The following PRKACB variants were observed in gnomAD, a reference collection of about 807,000 sequenced individuals.
PRKACB encodes protein kinase cAMP-activated catalytic subunit beta.
In PRKACB, 16 loss-of-function variants were observed where a neutral mutation model predicts 51.4. The ratio of observed to expected loss-of-function variants is 0.31; its 90% CI spans 0.21 to 0.47. The LOEUF is 0.47. Ranked by LOEUF, PRKACB falls within the 20% of genes least tolerant of loss-of-function variation. The pLI is 1.00. For missense variants in PRKACB, 309 were observed against 464.5 expected (o/e 0.67, Z 3.08); for synonymous variants, 147 against 154.4 (o/e 0.95, Z 0.35).
intron 1 of PRKACB, among the ~76,000 whole-genome samples, chr1:84,095,117 G>C (rs1343815981): frequency 6.6e-6 from 1 of 151,874 alleles, no homozygotes; most frequent in Non-Finnish European, 1.5e-5. Context: ...ACAGTGACGA[G>C]ATTGCCTAAT....
rs145175458 is a variant in PRKACB at position 84,148,723 on chromosome 1, C to T, written c.187+4175C>T. On this transcript the variant is annotated intron_variant, in intron 1 of 9. Transcript: ENST00000370685. ...TACCTGTGTATTTTTATCATGATTTCCAATAAAAATTTAAGTAACAAGCAG... is the reference window on the plus strand; with the variant it reads ...TACCTGTGTATTTTTATCATGATTTTCAATAAAAATTTAAGTAACAAGCAG... 2.8e-3 allele frequency among the ~76,000 whole-genome samples: 425 copies of T among 152,028 alleles called. 4 individuals carry two copies. The highest frequency in any genetic ancestry group is 0.017 in the South Asian group (83 of 4,808).
intron 5 of PRKACB, among the ~76,000 whole-genome samples, chr1:84,189,279 G>T (rs1236322167): frequency 6.6e-6 from 1 of 151,830 alleles, no homozygotes; most frequent in East Asian, 1.9e-4. Context: ...GGACTATCTT[G>T]AGCAGGGAAA....
chr1:84,103,430 G>A (rs1649502688), intron 1 of PRKACB, among the ~76,000 whole-genome samples: 1 of 151,912 alleles, frequency 6.6e-6, no homozygotes, highest in Admixed American at 6.6e-5. Context: ...ATGGGGTGTG[G>A]GGGTGGGGGG....
chr1:84,152,577 C>G (rs116089002), intron 1 of PRKACB, among the ~76,000 whole-genome samples: 1 of 152,306 alleles, frequency 6.6e-6, no homozygotes, highest in African/African-American at 2.4e-5. Flanking sequence ...TCCATTAGCA[C>G]TTGCTGCTTC....
intron 1 of PRKACB, among the ~76,000 whole-genome samples, chr1:84,086,930 CTG>C (rs1357598621): frequency 6.6e-6 from 1 of 152,190 alleles, no homozygotes; most frequent in Non-Finnish European, 1.5e-5. Context: ...GGGGGCTTAA[CTG>C]TGAACAAATC....
At chr1:84,231,549 C>A (rs1675661459) in intron 9 of PRKACB, among the ~76,000 whole-genome samples, 1 of 152,124 alleles carries the variant, frequency 6.6e-6, no homozygotes, top group Non-Finnish European at 1.5e-5. Flanking sequence ...TCCATCTGGT[C>A]CTGGACTCTT....
exon 1 of PRKACB, chr1:84,078,314 A>G: frequency 6.2e-7 from 1 of 1,606,860 alleles, no homozygotes; most frequent in African/African-American, 1.3e-5. Flanking sequence ...CCTTCTTGCC[A>G]TCGCCCCAGA....
rs960637734 is a variant in PRKACB, at chr1:84,086,311, G to C, written c.46+7940G>C. On this transcript the variant is annotated intron_variant, in intron 1 of 8. Coordinates refer to the PRKACB transcript ENST00000370688. ...TGGCCCTTCCTGCTGCCTCCCTCCT[G>C]TCTGGCCCCTGGGGCCCAGGCTCCA... 3.3e-6 allele frequency: 3 copies of C among 917,058 alleles called. No homozygotes were observed. In the African/African-American group the frequency reaches 4.9e-5, roughly 15 times the overall value. 56.8% of individuals were successfully genotyped at this position (917,058 alleles called of 1,614,324 possible).
chr1:84,109,446 T>TC (rs1571613363), intron 1 of PRKACB, among the ~76,000 whole-genome samples: 1 of 151,980 alleles, frequency 6.6e-6, no homozygotes, highest in East Asian at 1.9e-4. Flanking sequence ...TTTTTATGAC[T>TC]ATATAGTGTT....
rs565380126 is a variant in PRKACB, at chr1:84,164,381, C to T, written c.188-14796C>T. On this transcript the variant is annotated intron_variant, in intron 1 of 9. Coordinates refer to ENST00000370685, the MANE Select transcript of PRKACB (RefSeq NM_182948.4). ...TAATTGAAAGACGTTTAGGTGCAAT[C>T]ATTCTGCTGTTTGCTCCTTGCCAGG... 3.8e-6 allele frequency: 6 copies of T among 1,569,082 alleles called. No individual in the cohort carries two copies. The East Asian group carries it at 1.4e-4, about 36-fold the overall frequency.
intron 9 of PRKACB, among the ~76,000 whole-genome samples, chr1:84,219,949 T>C (rs987624811): frequency 6.6e-6 from 1 of 152,150 alleles, no homozygotes; most frequent in Non-Finnish European, 1.5e-5. Flanking sequence ...TGTGGTTCCA[T>C]ACAAATTTTA....
chr1:84,191,997 A>T (rs1666946128), intron 5 of PRKACB, among the ~76,000 whole-genome samples: 1 of 152,128 alleles, frequency 6.6e-6, no homozygotes, highest in Non-Finnish European at 1.5e-5. Flanking sequence ...CACAGCATAC[A>T]ATATATGTAC....
chr1:84,222,377 C>T (rs74589283), intron 9 of PRKACB, among the ~76,000 whole-genome samples: 4,440 of 152,164 alleles, frequency 0.029, 250 homozygotes, highest in African/African-American at 0.1. Flanking sequence ...TATATTCAGA[C>T]AGTCCATATC....
At chr1:84,214,376 G>GGGT in intron 9 of PRKACB, 59 bp downstream of exon 9, 4 of 1,407,894 alleles carry the variant, frequency 2.8e-6, no homozygotes, top group South Asian at 3.1e-5. Context: ...AATTATATGT[G>GGGT]GTGGAGATAT....
intron 1 of PRKACB, among the ~76,000 whole-genome samples, chr1:84,154,330 C>T (rs1430839681): frequency 6.6e-6 from 1 of 152,024 alleles, no homozygotes; most frequent in Non-Finnish European, 1.5e-5. Context: ...TGTCTCTTCA[C>T]TCTGTCGACT....
intron 2 of PRKACB, among the ~76,000 whole-genome samples, chr1:84,180,182 T>TTATATATATATATATATATATA (rs1662804612): frequency 2.0e-4 from 1 of 4,938 alleles, no homozygotes; most frequent in Admixed American, 3.9e-3. Context: ...AAAGAAACTG[T>TTATATATATATATATATATATA]GATATATATA....
intron 9 of PRKACB, among the ~76,000 whole-genome samples, chr1:84,218,963 C>A (rs1248953854): frequency 6.6e-6 from 1 of 152,088 alleles, no homozygotes; most frequent in African/African-American, 2.4e-5. Flanking sequence ...TACACATATC[C>A]TTTACCCATT....
chr1:84,156,153 T>A (rs1655470810), intron 1 of PRKACB, among the ~76,000 whole-genome samples: 1 of 152,028 alleles, frequency 6.6e-6, no homozygotes, highest in Admixed American at 6.6e-5. Flanking sequence ...TGTGCCAGGC[T>A]AATTTTTTTT....
intron 1 of PRKACB, among the ~76,000 whole-genome samples, chr1:84,079,505 A>G (rs1399940161): frequency 6.6e-6 from 1 of 152,244 alleles, no homozygotes; most frequent in Non-Finnish European, 1.5e-5. Flanking sequence ...TTTGTTTAAC[A>G]TAAATATATC....
Sources: allele counts gnomAD v4.1 joint callset (sites outside exome capture counted in the v4.1 genomes callset), GRCh38; gene constraint gnomAD v4.1.1; transcripts MANE v1.5; gene names NCBI Gene and HGNC (gene_info 2026-07-23, HGNC 2026-07-21).